EFCAB6: variants seen among roughly 807,000 people sequenced by gnomAD.
EFCAB6 encodes the protein EF-hand calcium-binding domain-containing protein 6.
In EFCAB6, 156 loss-of-function variants were observed where a neutral mutation model predicts 169.8. That is an observed-to-expected ratio of 0.92 (90% CI 0.81 to 1.05). The LOEUF is 1.05. Among genes scored for constraint, EFCAB6 ranks in the 50% least tolerant of loss-of-function variants. The pLI is 0.00. For synonymous variants in EFCAB6, 698 were observed against 676.4 expected, an observed-to-expected ratio of 1.03 and a Z score of -0.50; for missense variants, 1,800 against 1,829.1, an observed-to-expected ratio of 0.98 and a Z score of 0.29.
intron 30 of EFCAB6, among the ~76,000 whole-genome samples, chr22:43,531,462 G>C (rs919364927): frequency 3.2e-4 from 49 of 152,306 alleles, no homozygotes; most frequent in African/African-American, 1.1e-3. Context: ...TCACAAGGTT[G>C]TAATTATATC....
chr22:43,792,841 C>T (rs4823140), intron 2 of EFCAB6, among the ~76,000 whole-genome samples: 134,927 of 152,194 alleles, frequency 0.89, 59,882 homozygotes, highest in East Asian at 0.99. Flanking sequence ...TTTACAAAAT[C>T]AATAACACGT....
chr22:43,535,182 C>T (rs991954729), intron 29 of EFCAB6: 5 of 265,136 alleles, frequency 1.9e-5, no homozygotes, highest in East Asian at 1.9e-4. Flanking sequence ...TGTTCCCCGC[C>T]GTGTCAGGGC....
chr22:43,796,618 C>T (rs1259868121), intron 2 of EFCAB6, among the ~76,000 whole-genome samples: 1 of 151,966 alleles, frequency 6.6e-6, no homozygotes, highest in African/African-American at 2.4e-5. Flanking sequence ...CACAAGTGTG[C>T]TGTCAAACAT....
chr22:43,740,576 C>G (rs114763471), intron 6 of EFCAB6, among the ~76,000 whole-genome samples: 27 of 152,324 alleles, frequency 1.8e-4, no homozygotes, highest in Admixed American at 4.6e-4. Context: ...GAACGGATGT[C>G]TGTTATGTGC....
chr22:43,579,198 C>T (rs1341027942), intron 25 of EFCAB6, among the ~76,000 whole-genome samples: 1 of 151,316 alleles, frequency 6.6e-6, no homozygotes, highest in Non-Finnish European at 1.5e-5. Context: ...AGGCATCATT[C>T]CGTACATGCA....
chr22:43,695,161 T>C (rs889174256), intron 10 of EFCAB6, among the ~76,000 whole-genome samples: 3 of 152,076 alleles, frequency 2.0e-5, no homozygotes, highest in Admixed American at 6.6e-5. Context: ...AAAGTCATGA[T>C]ATTCAAAGTC....
intron 10 of EFCAB6, among the ~76,000 whole-genome samples, chr22:43,702,354 C>T (rs1364410907): frequency 6.6e-6 from 1 of 152,186 alleles, no homozygotes; most frequent in African/African-American, 2.4e-5. Flanking sequence ...AGCAACCATT[C>T]ACAGACAGGA....
chr22:43,769,042 C>T (rs2061396555), intron 4 of EFCAB6, among the ~76,000 whole-genome samples: 1 of 152,196 alleles, frequency 6.6e-6, no homozygotes, highest in Non-Finnish European at 1.5e-5. Context: ...AAACCTTTCA[C>T]ATGAATGTTC....
Position 43,572,643 on chromosome 22 carries a change from G to A in EFCAB6, c.3420+3654C>T, listed in dbSNP as rs1351370415. On this transcript the variant is annotated intron_variant, in intron 26 of 31. Coordinates refer to ENST00000262726, the MANE Select transcript of EFCAB6 (RefSeq NM_022785.4). This position sits in a 1 kb window ranked among gnomAD's most constrained non-coding sequence, Gnocchi z 4.0. ...CACTAGCAGTGCCGGCCAGTCCCTT[G>A]CCCGATGTCACTGCTCACTCCCTCC... Among the ~76,000 whole-genome samples, 1 of 152,138 alleles carries A rather than the reference G, an allele frequency of 6.6e-6. No individual in the cohort carries two copies. The highest frequency in any genetic ancestry group is 1.5e-5 in the Non-Finnish European group (1 of 68,028).
At chr22:43,569,730 C>T (rs1361950702) in intron 26 of EFCAB6, among the ~76,000 whole-genome samples, 3 of 152,200 alleles carry the variant, frequency 2.0e-5, no homozygotes, top group Non-Finnish European at 4.4e-5. Context: ...CACAGTGCCA[C>T]CCACCTACAG....
At chr22:43,730,248 A>AG (rs1284359290) in intron 8 of EFCAB6, among the ~76,000 whole-genome samples, 2 of 97,722 alleles carry the variant, frequency 2.0e-5, no homozygotes, top group African/African-American at 4.1e-5. Flanking sequence ...GGATGGAAGG[A>AG]GGGAAGGAGG....
At chr22:43,635,659 T>A (rs139339664) in intron 17 of EFCAB6, among the ~76,000 whole-genome samples, 95 of 152,274 alleles carry the variant, frequency 6.2e-4, no homozygotes, top group Non-Finnish European at 1.2e-4. Flanking sequence ...TGCTCCCAGT[T>A]TACATGAAAA....
intron 27 of EFCAB6, among the ~76,000 whole-genome samples, chr22:43,545,513 G>A (rs910496643): frequency 2.0e-5 from 3 of 152,194 alleles, no homozygotes; most frequent in Non-Finnish European, 2.9e-5. Context: ...CCCCAAAGAC[G>A]GGTGAACAAA....
intron 24 of EFCAB6, 21 bp downstream of exon 24, chr22:43,590,052 AT>A: frequency 6.3e-7 from 1 of 1,589,910 alleles, no homozygotes; most frequent in East Asian, 2.2e-5. Context: ...TGAGAAACAT[AT>A]TTAACTGAGT....
Position 43,554,965 on chromosome 22 carries a change from C to A in EFCAB6, c.3552G>T (p.Glu1184Asp), listed in dbSNP as rs1487528782. 1.2e-6 allele frequency: 2 copies of A among 1,614,058 alleles called. No homozygotes were observed. The highest frequency in any genetic ancestry group is 2.7e-5 in the African/African-American group (2 of 74,924). The change falls in exon 27 of 32, where the codon GAG (glutamate) becomes GAT (aspartate). Residue 1184 changes from glutamate (E) to aspartate (D), a missense_variant. By Grantham distance (45) the Glu-to-Asp change is conservative. Coordinates refer to ENST00000262726, the MANE Select transcript of EFCAB6 (RefSeq NM_022785.4). Reference sequence around the variant, plus strand: ...TTTTCATGGTGTCAAAATTCTCAAACTCCTGGGTGATGGCATGGTAATGGG... The same window carrying A: ...TTTTCATGGTGTCAAAATTCTCAAAATCCTGGGTGATGGCATGGTAATGGG... ...VTSHYHAITQ[E>D]FENFDTMKTN...
At position 43,687,464 on chromosome 22, in the gene EFCAB6, T is replaced by TTTAAAAA; in HGVS notation, c.1142+6_1142+7insTTTTTAA. ...TAAAATTTGTTTTTTTTTTTTTTTT[T>TTTAAAAA]ACATACCTATTTCTTTTTGTCAGGG... On this transcript the variant is annotated splice_region_variant and intron_variant, in intron 11 of 31. Transcript: ENST00000262726. 6 of 1,422,214 alleles carry TTTAAAAA rather than the reference T, an allele frequency of 4.2e-6. No individual in the cohort carries two copies. Among genetic ancestry groups the TTTAAAAA allele is most frequent in the Non-Finnish European group, 5.7e-6 (6 of 1,046,322 alleles). The allele number at this position is 1,422,214 out of a possible 1,614,324, so 88.1% of individuals were successfully genotyped here.
At chr22:43,532,265 C>T (rs969276199) in intron 30 of EFCAB6, among the ~76,000 whole-genome samples, 3 of 152,230 alleles carry the variant, frequency 2.0e-5, no homozygotes, top group South Asian at 2.1e-4. Context: ...CCCAGCTTTG[C>T]GGGGTTGCTG....
intron 6 of EFCAB6, among the ~76,000 whole-genome samples, chr22:43,748,861 T>C (rs1382840641): frequency 6.6e-6 from 1 of 152,070 alleles, no homozygotes; most frequent in African/African-American, 2.4e-5. Flanking sequence ...TTAACTGAAG[T>C]GTACTCGATG....
At chr22:43,724,061 T>G (rs1157647924) in intron 8 of EFCAB6, among the ~76,000 whole-genome samples, 2 of 152,212 alleles carry the variant, frequency 1.3e-5, no homozygotes, top group Non-Finnish European at 2.9e-5. Flanking sequence ...AGGCTGCACT[T>G]CCTTCAGGAT....
Sources: allele counts gnomAD v4.1 joint callset (sites outside exome capture counted in the v4.1 genomes callset), GRCh38; gene constraint gnomAD v4.1.1; non-coding constraint Gnocchi (gnomAD v3.1); transcripts MANE v1.5; gene names NCBI Gene and HGNC (gene_info 2026-07-23, HGNC 2026-07-21).